NCOA1: variants seen among roughly 807,000 people sequenced by gnomAD.
NCOA1 encodes Hin-2 protein.
Under a neutral mutation model 150.9 loss-of-function variants are expected in NCOA1, and 35 were observed. The observed-to-expected ratio is 0.23, with a 90% CI of 0.18 to 0.31. The LOEUF (loss-of-function observed/expected upper bound fraction) is 0.31, where lower values mean the gene tolerates loss of function less well. Among genes scored for constraint, NCOA1 ranks in the 10% least tolerant of loss-of-function variants. NCOA1 has a pLI of 1.00. For synonymous variants in NCOA1, 590 were observed against 630.0 expected (o/e 0.94, Z 0.95); for missense variants, 1,491 against 1,749.3 (o/e 0.85, Z 2.63).
chr2:24,572,499 C>A (rs1342416804), intron 2 of NCOA1, among the ~76,000 whole-genome samples: 7 of 152,124 alleles, frequency 4.6e-5, no homozygotes, highest in Non-Finnish European at 4.4e-5. Context: ...TGAAAGGAGG[C>A]ACATAGCCTC....
intron 1 of NCOA1, among the ~76,000 whole-genome samples, chr2:24,524,094 A>G (rs1235839424): frequency 2.0e-5 from 3 of 152,152 alleles, no homozygotes; most frequent in Admixed American, 6.5e-5. Context: ...AAATATCTTC[A>G]TCCCCATTGT....
chr2:24,549,464 A>G (rs1047226456), intron 1 of NCOA1, among the ~76,000 whole-genome samples: 8 of 152,140 alleles, frequency 5.3e-5, no homozygotes, highest in African/African-American at 1.9e-4. Context: ...TCGGCTCTTC[A>G]TTACTTGTGC....
intron 16 of NCOA1, among the ~76,000 whole-genome samples, chr2:24,729,264 T>G (rs1662867107): frequency 6.6e-6 from 1 of 152,248 alleles, no homozygotes; most frequent in African/African-American, 2.4e-5. Flanking sequence ...TTTTATTTCA[T>G]TGATTTGGAG....
chr2:24,662,898 C>A (rs1314492470), intron 5 of NCOA1, among the ~76,000 whole-genome samples: 1 of 152,020 alleles, frequency 6.6e-6, no homozygotes, highest in African/African-American at 2.4e-5. Context: ...AGCAATCCTC[C>A]CCACTCAGCC....
At chr2:24,701,434 G>A (rs922663936) in intron 11 of NCOA1, among the ~76,000 whole-genome samples, 8 of 150,530 alleles carry the variant, frequency 5.3e-5, no homozygotes, top group Admixed American at 6.6e-5. Context: ...TTGAGCCCAG[G>A]AAGTGAAGAC....
intron 3 of NCOA1, among the ~76,000 whole-genome samples, chr2:24,614,178 T>C (rs142473598): frequency 6.8e-6 from 1 of 147,076 alleles, no homozygotes; most frequent in East Asian, 2.0e-4. Context: ...TTTCTGCCTA[T>C]TGTATCGATT....
chr2:24,638,680 A>G (rs1366515067), intron 3 of NCOA1, among the ~76,000 whole-genome samples: 4 of 152,106 alleles, frequency 2.6e-5, no homozygotes, highest in African/African-American at 7.2e-5. Context: ...GATAATAGCT[A>G]TCATCCTAAC....
intron 1 of NCOA1, among the ~76,000 whole-genome samples, chr2:24,528,498 C>T (rs1259820454): frequency 6.6e-6 from 1 of 151,886 alleles, no homozygotes; most frequent in African/African-American, 2.4e-5. Context: ...AGGTGCGTTC[C>T]ACCACACCCG....
intron 1 of NCOA1, among the ~76,000 whole-genome samples, chr2:24,545,824 G>A (rs1053184552): frequency 2.0e-5 from 3 of 152,064 alleles, no homozygotes; most frequent in South Asian, 2.1e-4. Context: ...TCGGAGTCTC[G>A]CTCTCTTGCC....
intron 14 of NCOA1, among the ~76,000 whole-genome samples, chr2:24,717,072 T>C (rs931043544): frequency 6.6e-6 from 1 of 152,188 alleles, no homozygotes; most frequent in African/African-American, 2.4e-5. Context: ...GATGCCCAAC[T>C]CATATGTCAT....
At chr2:24,511,837 T>A (rs1663947564) in intron 1 of NCOA1, among the ~76,000 whole-genome samples, 1 of 152,222 alleles carries the variant, frequency 6.6e-6, no homozygotes, top group Admixed American at 6.5e-5. Flanking sequence ...TCTAAGAGTT[T>A]TAGTGCTTAC....
In NCOA1 at chr2:24,531,702, C is replaced by T. The variant is rs140170368; in HGVS notation, c.-395-32593C>T. Among the ~76,000 whole-genome samples, 887 of 152,188 alleles carry T rather than the reference C, an allele frequency of 5.8e-3. 2 individuals are homozygous for T. The highest frequency in any genetic ancestry group is 8.7e-3 in the Non-Finnish European group (593 of 68,004). On this transcript the variant is annotated intron_variant, in intron 1 of 22. Coordinates refer to ENST00000348332, the MANE Select transcript of NCOA1 (RefSeq NM_003743.5). ...GTTCCCACCTGTGAATGAGAACATACGGTGTTTGGTTTTCTGCCCATGTGA... is the reference window on the plus strand; with the variant it reads ...GTTCCCACCTGTGAATGAGAACATATGGTGTTTGGTTTTCTGCCCATGTGA...
intron 19 of NCOA1, among the ~76,000 whole-genome samples, chr2:24,744,597 T>A (rs1343875165): frequency 6.6e-6 from 1 of 152,208 alleles, no homozygotes; most frequent in Non-Finnish European, 1.5e-5. Flanking sequence ...AAAAACAGTT[T>A]ATTGTGGCTT....
rs201007817 is a variant in NCOA1, at chr2:24,704,776, A to AG, written c.950-309dup. ...CGACAGAGTGAGACTCTGTCTCAAA[A>AG]GAAAAAAAAAAAAAGACTAAAGTTG... On this transcript the variant is annotated intron_variant, in intron 11 of 22. Coordinates refer to ENST00000348332, the MANE Select transcript of NCOA1 (RefSeq NM_003743.5). Among the ~76,000 whole-genome samples the AG allele has an allele frequency of 5.4e-3, 812 of 151,202 alleles. 5 individuals are homozygous for AG. Among genetic ancestry groups the AG allele is most frequent in the Non-Finnish European group, 9.5e-3 (645 of 67,658 alleles).
intron 17 of NCOA1, among the ~76,000 whole-genome samples, chr2:24,737,029 C>T (rs539923065): frequency 2.6e-5 from 4 of 152,120 alleles, no homozygotes; most frequent in African/African-American, 9.7e-5. Flanking sequence ...TGCCCTCTTC[C>T]GCTGGCCACA....
chr2:24,765,129 A>T (rs1351362661), intron 22 of NCOA1, among the ~76,000 whole-genome samples: 1 of 150,696 alleles, frequency 6.6e-6, no homozygotes, highest in Non-Finnish European at 1.5e-5. Flanking sequence ...GCGAGCCGAG[A>T]TCACACCACT....
intron 2 of NCOA1, among the ~76,000 whole-genome samples, chr2:24,567,358 A>C (rs897298963): frequency 6.6e-6 from 1 of 152,220 alleles, no homozygotes; most frequent in African/African-American, 2.4e-5. Flanking sequence ...TTTTTTAGGT[A>C]TATCTTTTCT....
intron 19 of NCOA1, among the ~76,000 whole-genome samples, chr2:24,751,121 G>A (rs1453874909): frequency 6.6e-6 from 1 of 150,828 alleles, no homozygotes; most frequent in African/African-American, 2.4e-5. Context: ...CCAAGTAGCT[G>A]AGATAACAGG....
At chr2:24,666,612 C>T (rs908923966) in intron 6 of NCOA1, among the ~76,000 whole-genome samples, 1 of 149,002 alleles carries the variant, frequency 6.7e-6, no homozygotes, top group Non-Finnish European at 1.5e-5. Flanking sequence ...TTGTCTCTAC[C>T]TGGGCTCTTC....
Sources: gnomAD v4.1 joint callset for allele counts (sites outside exome capture counted in the v4.1 genomes callset) on GRCh38, gnomAD v4.1.1 for gene constraint, MANE v1.5 for transcripts, NCBI Gene and HGNC (gene_info 2026-07-23, HGNC 2026-07-21) for gene names.